The following PGGT1B variants were observed in gnomAD, a reference collection of about 807,000 sequenced individuals.
PGGT1B encodes the protein geranylgeranyl transferase type-1 subunit beta.
Under a neutral mutation model 46.1 loss-of-function variants are expected in PGGT1B, and 30 were observed. The observed-to-expected ratio is 0.65, with a 90% confidence interval of 0.49 to 0.88. PGGT1B has a LOEUF of 0.88. Among genes scored for constraint, PGGT1B ranks in the 40% least tolerant of loss-of-function variants. The pLI, the probability that PGGT1B is intolerant of heterozygous loss-of-function variation, is 0.00. For synonymous variants in PGGT1B, 170 were observed against 160.0 expected (o/e 1.06, Z -0.47); for missense variants, 376 against 455.9 (o/e 0.82, Z 1.60).
intron 2 of PGGT1B, among the ~76,000 whole-genome samples, chr5:115,249,882 ATTTAT>A (rs971322168): frequency 1.2e-4 from 18 of 152,222 alleles, no homozygotes; most frequent in African/African-American, 4.3e-4. Context: ...TTTGATGAAC[ATTTAT>A]TTTGTAACAT....
intron 6 of PGGT1B, among the ~76,000 whole-genome samples, chr5:115,222,932 C>T (rs1291045573): frequency 6.6e-6 from 1 of 152,086 alleles, no homozygotes; most frequent in Non-Finnish European, 1.5e-5. Flanking sequence ...AACACCTGGA[C>T]ACAGGGTGGG....
intron 1 of PGGT1B, among the ~76,000 whole-genome samples, chr5:115,257,772 A>G (rs1261970209): frequency 6.6e-6 from 1 of 152,214 alleles, no homozygotes; most frequent in Non-Finnish European, 1.5e-5. Flanking sequence ...AGATGGGCCT[A>G]TGACTACATC....
intron 7 of PGGT1B, among the ~76,000 whole-genome samples, chr5:115,219,689 A>G (rs1222755087): frequency 6.6e-6 from 1 of 151,894 alleles, no homozygotes; most frequent in Non-Finnish European, 1.5e-5. Flanking sequence ...TTTGCAAATC[A>G]TATATCTGAG....
chr5:115,230,995 T>G lies in PGGT1B; in HGVS notation c.639A>C (p.Gly213=). ...TCTTACCATGAGATTCAAGTCCAGCTCCCTGTGCCAGTCCATTGTCATAGG... is the reference window on the plus strand; with the variant it reads ...TCTTACCATGAGATTCAAGTCCAGCGCCCTGTGCCAGTCCATTGTCATAGG... ...SMSYDNGLAQ[G]AGLESHGGST... The change falls in exon 6 of 9, where the codon GGA becomes GGC. Residue 213 remains glycine, a synonymous_variant. Coordinates refer to ENST00000419445, the MANE Select transcript of PGGT1B (RefSeq NM_005023.4). The G allele has an allele frequency of 6.3e-7, 1 of 1,577,398 alleles. No homozygotes were observed. The highest frequency in any genetic ancestry group is 8.7e-7 in the Non-Finnish European group (1 of 1,154,832).
intron 4 of PGGT1B, 107 bp from the exon 5 acceptor site, chr5:115,236,629 T>C (rs1757191679): frequency 6.8e-6 from 4 of 584,034 alleles, no homozygotes; most frequent in Middle Eastern, 2.8e-4. Flanking sequence ...GAAAAATCTG[T>C]TGATTATTCT....
chr5:115,241,545 T>C lies in PGGT1B; in HGVS notation c.321A>G (p.Pro107=), dbSNP rs1173193331. The stretch of plus-strand genomic sequence containing the variant: ...TGAACCAAATAGAACCAACCTTTGA[T>C]GGATTGAACGGAATACCCAGGTATG... ...GSSYLGIPFN[P]SKAPGTAHPY... Residue 107 remains proline, a synonymous_variant, in exon 3 of 9, where the codon CCA becomes CCG. Transcript: ENST00000419445. 1.9e-6 allele frequency: 3 copies of C among 1,602,104 alleles called. No homozygotes were observed. Among genetic ancestry groups the C allele is most frequent in the Admixed American group, 1.7e-5 (1 of 58,610 alleles).
chr5:115,254,325 T>A (rs978091876), intron 1 of PGGT1B, among the ~76,000 whole-genome samples: 1 of 151,984 alleles, frequency 6.6e-6, no homozygotes, highest in African/African-American at 2.4e-5. Context: ...TGCATATACA[T>A]GAGATGATAC....
At chr5:115,224,821 G>C (rs905463131) in intron 6 of PGGT1B, among the ~76,000 whole-genome samples, 10 of 142,498 alleles carry the variant, frequency 7.0e-5, no homozygotes, top group Non-Finnish European at 1.2e-4. Flanking sequence ...GCGACAGAGA[G>C]AGACTATGTC....
At chr5:115,248,712 G>A (rs1747960420) in intron 2 of PGGT1B, among the ~76,000 whole-genome samples, 1 of 152,128 alleles carries the variant, frequency 6.6e-6, no homozygotes, top group African/African-American at 2.4e-5. Flanking sequence ...TACTTAAACA[G>A]TAAAACAACA....
chr5:115,242,007 CTT>C (rs1757361686), intron 2 of PGGT1B, among the ~76,000 whole-genome samples: 1 of 152,122 alleles, frequency 6.6e-6, no homozygotes, highest in Admixed American at 6.5e-5. Flanking sequence ...GGTCTACTGT[CTT>C]TTTACTTTAA....
At chr5:115,248,900 T>C (rs936114879) in intron 2 of PGGT1B, among the ~76,000 whole-genome samples, 4 of 152,344 alleles carry the variant, frequency 2.6e-5, no homozygotes, top group Admixed American at 1.3e-4. Context: ...TTGAAAATTA[T>C]AAAATAGTAA....
chr5:115,253,888 A>C (rs1748204653), intron 1 of PGGT1B, among the ~76,000 whole-genome samples: 1 of 152,048 alleles, frequency 6.6e-6, no homozygotes. Flanking sequence ...TCAGAAATCT[A>C]AACCTGTGCT....
At chr5:115,233,782 A>G (rs1159019290) in intron 5 of PGGT1B, among the ~76,000 whole-genome samples, 3 of 152,056 alleles carry the variant, frequency 2.0e-5, no homozygotes, top group Admixed American at 1.3e-4. Flanking sequence ...AAACAAAAAA[A>G]GTATAACGCT....
intron 8 of PGGT1B, among the ~76,000 whole-genome samples, chr5:115,213,049 G>A (rs183856612): frequency 5.3e-5 from 8 of 152,266 alleles, no homozygotes; most frequent in Non-Finnish European, 7.4e-5. Flanking sequence ...ACCTCTGAAA[G>A]TTCCTAAACC....
rs111527983 is a variant in PGGT1B at position 115,230,916 on chromosome 5, C to T, written c.658+60G>A. 2,636 of 1,008,652 alleles carry T rather than the reference C, an allele frequency of 2.6e-3. 47 individuals carry two copies. The African/African-American group carries it at 0.038, about 15-fold the overall frequency. 62.5% of individuals were successfully genotyped at this position (1,008,652 alleles called of 1,614,324 possible). On this transcript the variant is annotated intron_variant, in intron 6 of 8. Coordinates refer to ENST00000419445, the MANE Select transcript of PGGT1B (RefSeq NM_005023.4). ...TCTGAGGTTCTCCATACTGAAGACA[C>T]CAAGATGTTGTCTAAGGGAACAAAA...
At chr5:115,221,263 C>G (rs1309109895) in intron 7 of PGGT1B, among the ~76,000 whole-genome samples, 1 of 151,858 alleles carries the variant, frequency 6.6e-6, no homozygotes, top group Admixed American at 6.6e-5. Flanking sequence ...ACAGAGAAAA[C>G]TTGTGTGTAT....
rs372815832 is a variant in PGGT1B at position 115,242,975 on chromosome 5, A to G, written c.260-1369T>C. 1.1e-3 allele frequency among the ~76,000 whole-genome samples: 169 copies of G among 152,324 alleles called. 1 individual carries two copies. Among genetic ancestry groups the G allele is most frequent in the African/African-American group, 4.0e-3 (165 of 41,570 alleles). ...GAGTCAAACTGTCTTGAAAAAAAAA[A>G]AAGATACTAATGGTGATTATGATTT... On this transcript the variant is annotated intron_variant, in intron 2 of 8. Transcript: ENST00000419445.
intron 7 of PGGT1B, among the ~76,000 whole-genome samples, chr5:115,221,218 G>GT (rs144797866): frequency 0.041 from 6,255 of 151,938 alleles, 131 homozygotes; most frequent in South Asian, 0.061. Flanking sequence ...TCAGAACAAG[G>GT]TAACAATTCT....
At chr5:115,214,360 A>C (rs768010067) in intron 8 of PGGT1B, among the ~76,000 whole-genome samples, 10 of 152,152 alleles carry the variant, frequency 6.6e-5, no homozygotes, top group Non-Finnish European at 1.3e-4. Flanking sequence ...GTGGAACTAT[A>C]TGTTTACTCC....
Sources: allele counts gnomAD v4.1 joint callset (sites outside exome capture counted in the v4.1 genomes callset), GRCh38; gene constraint gnomAD v4.1.1; transcripts MANE v1.5; gene names NCBI Gene and HGNC (gene_info 2026-07-23, HGNC 2026-07-21).